The following UCMA variants were observed in gnomAD, a reference collection of about 807,000 sequenced individuals.
UCMA encodes the protein upper zone of growth plate and cartilage matrix-associated protein.
UCMA carries 21 observed loss-of-function variants against 21.8 expected under a neutral mutation model. The ratio of observed to expected loss-of-function variants is 0.97; its 90% CI spans 0.68 to 1.39. UCMA has a LOEUF of 1.39. UCMA is among the 40% of genes most tolerant of loss of function. The probability of loss-of-function intolerance (pLI) is 0.00; values close to 1 mark genes in which losing one functional copy is unlikely to be tolerated. For missense variants in UCMA, 193 were observed against 178.9 expected, an observed-to-expected ratio of 1.08 and a Z score of -0.45; for synonymous variants, 76 against 67.9, an observed-to-expected ratio of 1.12 and a Z score of -0.58.
Position 13,234,216 on chromosome 10 carries a change from C to G in UCMA, c.43G>C (p.Val15Leu). The change falls in exon 1 of 5, where the codon GTG becomes CTG. Residue 15 changes from valine (V) to leucine (L), a missense_variant. Physicochemically the swap from Val to Leu is conservative, Grantham distance 32. Coordinates refer to ENST00000378681, the MANE Select transcript of UCMA (RefSeq NM_145314.3). ...CTGTACTCACTAGACAGGAGCACCACGGCGGAGAAGCAAGACAGCAGGACG... is the reference window on the plus strand; with the variant it reads ...CTGTACTCACTAGACAGGAGCACCAGGGCGGAGAAGCAAGACAGCAGGACG... ...QAVLLSCFSA[V>L]VLLSMLREGT... 6.2e-7 allele frequency: 1 copy of G among 1,613,270 alleles called. No homozygotes were observed.
Position 13,233,650 on chromosome 10 carries a change from G to T in UCMA, c.125-17C>A. ...GTTTTGCATCTGAAACCCGGGAGAG[G>T]CCTGTCACCAGCAGTGTGGGGGTGC... is the stretch of plus-strand genomic sequence containing the variant. On this transcript the variant is annotated splice_polypyrimidine_tract_variant and intron_variant, in intron 2 of 4. Transcript: ENST00000378681. The T allele has an allele frequency of 1.2e-6, 2 of 1,614,036 alleles. No individual in the cohort carries two copies. The highest frequency in any genetic ancestry group is 1.7e-6 in the Non-Finnish European group (2 of 1,179,966).
At chr10:13,230,570 G>A (rs562295308) in intron 3 of UCMA, among the ~76,000 whole-genome samples, 1 of 152,236 alleles carries the variant, frequency 6.6e-6, no homozygotes, top group African/African-American at 2.4e-5. Flanking sequence ...TCTCACAGTG[G>A]GATTCCCCTC....
intron 3 of UCMA, among the ~76,000 whole-genome samples, chr10:13,231,160 T>C (rs1304835232): frequency 2.6e-5 from 4 of 152,236 alleles, no homozygotes; most frequent in African/African-American, 9.6e-5. Flanking sequence ...TTCTATTACT[T>C]AACTCAGATT....
intron 3 of UCMA, 43 bp from the exon 4 acceptor site, chr10:13,229,752 G>GACACTTAGGGGCAC (rs778363402): frequency 1.3e-6 from 2 of 1,537,590 alleles, no homozygotes; most frequent in East Asian, 2.2e-5. Context: ...CAAGAATGAG[G>GACACTTAGGGGCAC]ACACTTAGGG....
chr10:13,229,770 C>T, intron 3 of UCMA, 61 bp from the exon 4 acceptor site: 1 of 1,397,742 alleles, frequency 7.2e-7, no homozygotes. Context: ...GGGGCACACA[C>T]TTAGGGGAGC....
At position 13,234,217 on chromosome 10, in the gene UCMA, G is replaced by C. The variant is rs748011436; in HGVS notation, c.42C>G (p.Ala14=). 5 of 1,613,278 alleles carry C rather than the reference G, an allele frequency of 3.1e-6. No individual in the cohort carries two copies. ...RQAVLLSCFS[A]VVLLSMLREG... ...TGTACTCACTAGACAGGAGCACCACGGCGGAGAAGCAAGACAGCAGGACGG... is the reference window on the plus strand; with the variant it reads ...TGTACTCACTAGACAGGAGCACCACCGCGGAGAAGCAAGACAGCAGGACGG... Residue 14 remains alanine, a synonymous_variant, in exon 1 of 5, where the codon GCC becomes GCG. Transcript: ENST00000378681.
chr10:13,226,242 C>T (rs1834822712), intron 4 of UCMA, among the ~76,000 whole-genome samples: 1 of 149,756 alleles, frequency 6.7e-6, no homozygotes, highest in African/African-American at 2.5e-5. Context: ...GTTGCCCAGG[C>T]TGGAGTGCAG....
At chr10:13,228,001 G>C (rs57990172) in intron 4 of UCMA, among the ~76,000 whole-genome samples, 55,898 of 151,388 alleles carry the variant, frequency 0.37, 10,570 homozygotes, top group Admixed American at 0.42. Flanking sequence ...GTCTGCCAAG[G>C]GGTTGAGGGG....
At chr10:13,227,880 G>A (rs56194110) in intron 4 of UCMA, among the ~76,000 whole-genome samples, 39,039 of 151,198 alleles carry the variant, frequency 0.26, 5,307 homozygotes, top group African/African-American at 0.32. Context: ...ATCCCACTCC[G>A]TGGAAGGCAG....
At chr10:13,230,625 A>G (rs921003957) in intron 3 of UCMA, among the ~76,000 whole-genome samples, 4 of 152,030 alleles carry the variant, frequency 2.6e-5, no homozygotes, top group African/African-American at 9.7e-5. Context: ...TGCCCCATCA[A>G]CTCTGATGTG....
At chr10:13,229,808 G>T in intron 3 of UCMA, 99 bp from the exon 4 acceptor site, 1 of 937,012 alleles carries the variant, frequency 1.1e-6, no homozygotes, top group South Asian at 1.5e-5. Flanking sequence ...TCACCTGGTT[G>T]GGGGATGAGT....
At chr10:13,227,020 T>C (rs541184215) in intron 4 of UCMA, among the ~76,000 whole-genome samples, 1 of 152,278 alleles carries the variant, frequency 6.6e-6, no homozygotes, top group East Asian at 1.9e-4. Flanking sequence ...TTTTAAGTGC[T>C]TCTCCCCAAG....
chr10:13,225,055 C>CT (rs148249579), intron 4 of UCMA, among the ~76,000 whole-genome samples: 7,147 of 151,936 alleles, frequency 0.047, 179 homozygotes, highest in Middle Eastern at 0.078. Flanking sequence ...TTCAGCATCC[C>CT]TTTTTTTGTT....
At chr10:13,227,248 G>A (rs969828311) in intron 4 of UCMA, among the ~76,000 whole-genome samples, 2 of 152,174 alleles carry the variant, frequency 1.3e-5, no homozygotes, top group East Asian at 1.9e-4. Flanking sequence ...GATGCCTTCC[G>A]AGGGTGCTGC....
At chr10:13,233,951 C>T in intron 1 of UCMA, 151 bp from the exon 2 acceptor site, 1 of 984,338 alleles carries the variant, frequency 1.0e-6, no homozygotes, top group Non-Finnish European at 1.5e-6. Context: ...GAGCCAATCT[C>T]CCCAGGAACC....
chr10:13,223,714 C>G (rs112494469), intron 4 of UCMA, among the ~76,000 whole-genome samples: 12,474 of 152,014 alleles, frequency 0.082, 829 homozygotes, highest in African/African-American at 0.18. Context: ...ACCACGCCCG[C>G]CTAATTTTTA....
At chr10:13,230,420 C>T (rs910620825) in intron 3 of UCMA, among the ~76,000 whole-genome samples, 4 of 152,126 alleles carry the variant, frequency 2.6e-5, no homozygotes, top group Admixed American at 6.5e-5. Flanking sequence ...ATAAAAATTC[C>T]CGGTTGTCTG....
At chr10:13,230,649 G>C (rs1221328340) in intron 3 of UCMA, among the ~76,000 whole-genome samples, 1 of 152,180 alleles carries the variant, frequency 6.6e-6, no homozygotes, top group Non-Finnish European at 1.5e-5. Context: ...GAGGAGGCTG[G>C]GGGGTGCTGA....
rs183697317 is a variant in UCMA at position 13,226,582 on chromosome 10, C to T, written c.319+3029G>A. Among the ~76,000 whole-genome samples, 479 of 152,262 alleles carry T rather than the reference C, an allele frequency of 3.1e-3. 1 individual carries two copies. The highest frequency in any genetic ancestry group is 6.8e-3 in the Middle Eastern group (2 of 292). On this transcript the variant is annotated intron_variant, in intron 4 of 4. Transcript: ENST00000378681. ...TCAAGCAATGCTCCCACTTTGGCCT[C>T]CCAAAGTGCTGGGATTACACGTGTA...
Sources: allele counts gnomAD v4.1 joint callset (sites outside exome capture counted in the v4.1 genomes callset), GRCh38; gene constraint gnomAD v4.1.1; transcripts MANE v1.5; gene names NCBI Gene and HGNC (gene_info 2026-07-23, HGNC 2026-07-21).